PAQR8: variants seen among roughly 807,000 people sequenced by gnomAD.
The protein encoded by PAQR8 is membrane progestin receptor beta.
A neutral mutation model predicts 25.2 loss-of-function variants in PAQR8; 17 were observed. The ratio of observed to expected loss-of-function variants is 0.67; its 90% CI spans 0.46 to 1.01. PAQR8 has a LOEUF of 1.01. Ranked by LOEUF, PAQR8 falls within the 50% of genes least tolerant of loss-of-function variation. PAQR8 has a pLI of 0.00. For synonymous variants in PAQR8, 204 were observed against 190.6 expected, an observed-to-expected ratio of 1.07 and a Z score of -0.58; for missense variants, 392 against 448.4, an observed-to-expected ratio of 0.87 and a Z score of 1.14.
At chr6:52,364,861 G>T (rs915709496) in intron 1 of PAQR8, among the ~76,000 whole-genome samples, 105 of 152,148 alleles carry the variant, frequency 6.9e-4, no homozygotes, top group Non-Finnish European at 1.0e-4. Context: ...GGGGTTAGGG[G>T]CTCCCATCAT....
At chr6:52,403,126 A>T in intron 1 of PAQR8, 36 bp from the exon 2 acceptor site, 2 of 1,119,170 alleles carry the variant, frequency 1.8e-6, no homozygotes, top group Non-Finnish European at 2.5e-6. Flanking sequence ...TTCGTGTCTC[A>T]CTGCGGCTTT....
rs894228208 is a variant in PAQR8 at position 52,364,084 on chromosome 6, T to G, written c.-53+1835T>G. Among the ~76,000 whole-genome samples, 11 of 26,146 alleles carry G rather than the reference T, an allele frequency of 4.2e-4. No homozygotes were observed. The South Asian group carries it at 9.5e-3, about 23-fold the overall frequency. 17.2% of individuals were successfully genotyped at this position (26,146 alleles called of 152,430 possible). ...GTGGATATATCCATTGAAAGATATG[T>G]TTTTTTTTTTTTTTTTTTTGCGGGT... On this transcript the variant is annotated intron_variant, in intron 1 of 1. Transcript: ENST00000442253.
intron 1 of PAQR8, among the ~76,000 whole-genome samples, chr6:52,366,808 G>C (rs1763358609): frequency 6.6e-6 from 1 of 151,952 alleles, no homozygotes; most frequent in South Asian, 2.1e-4. Flanking sequence ...GGAGTGCAAT[G>C]GCGCAATCTC....
intron 1 of PAQR8, among the ~76,000 whole-genome samples, chr6:52,378,655 G>C (rs1171469831): frequency 6.6e-6 from 1 of 152,110 alleles, no homozygotes; most frequent in African/African-American, 2.4e-5. Context: ...GCTGGGCGTG[G>C]TGGTGTATGC....
chr6:52,381,716 A>G (rs1041664885), intron 1 of PAQR8, among the ~76,000 whole-genome samples: 1 of 152,254 alleles, frequency 6.6e-6, no homozygotes, highest in African/African-American at 2.4e-5. Flanking sequence ...CAATTCTTAT[A>G]AAATTACTGG....
At chr6:52,364,246 G>A (rs1412694864) in intron 1 of PAQR8, among the ~76,000 whole-genome samples, 2 of 152,006 alleles carry the variant, frequency 1.3e-5, no homozygotes, top group Non-Finnish European at 2.9e-5. Flanking sequence ...TCATGAAAAG[G>A]AAATCTTTAA....
At chr6:52,388,065 TA>T (rs1259985274) in intron 1 of PAQR8, among the ~76,000 whole-genome samples, 1 of 152,222 alleles carries the variant, frequency 6.6e-6, no homozygotes, top group East Asian at 1.9e-4. Context: ...TATTTCCTTA[TA>T]TATTATAATG....
intron 1 of PAQR8, among the ~76,000 whole-genome samples, chr6:52,394,953 G>A (rs936799323): frequency 1.7e-4 from 26 of 151,792 alleles, no homozygotes; most frequent in Non-Finnish European, 3.2e-4. Context: ...TTTGAAAGGC[G>A]CTTCTAAGAT....
intron 1 of PAQR8, among the ~76,000 whole-genome samples, chr6:52,384,952 G>A (rs1464627153): frequency 1.3e-5 from 2 of 152,190 alleles, no homozygotes; most frequent in African/African-American, 4.8e-5. Context: ...GGGAAAACTG[G>A]CCAACCATAT....
intron 1 of PAQR8, among the ~76,000 whole-genome samples, chr6:52,364,093 T>TTTTTTTTTTTTTTG (rs1763324842): frequency 6.9e-6 from 1 of 144,976 alleles, no homozygotes; most frequent in Non-Finnish European, 1.5e-5. Flanking sequence ...GTTTTTTTTT[T>TTTTTTTTTTTTTTG]TTTTTTTTTT....
chr6:52,404,380 CA>C lies in PAQR8; in HGVS notation c.*103del. On this transcript the variant is annotated 3_prime_UTR_variant, in exon 2 of 2. Transcript: ENST00000442253. ...TAAGGCATTGGCTTTTAAATTAATA[CA>C]TATATCCAAGGATATGTTATAGCTG... 2.7e-6 allele frequency: 3 copies of C among 1,097,084 alleles called. No individual in the cohort carries two copies. Among genetic ancestry groups the C allele is most frequent in the Non-Finnish European group, 3.9e-6 (3 of 776,970 alleles). 68.0% of individuals were successfully genotyped at this position (1,097,084 alleles called of 1,614,324 possible).
Position 52,406,294 on chromosome 6 carries a change from G to A in PAQR8, c.*2016G>A. On this transcript the variant is annotated 3_prime_UTR_variant, in exon 2 of 2. Transcript: ENST00000442253. Reference sequence around the variant, plus strand: ...TATTTTGAAAGTTGGAAGGAGAAGGGAGGGAAGAGAGCAGAAGGGAAGAAG... The same window carrying A: ...TATTTTGAAAGTTGGAAGGAGAAGGAAGGGAAGAGAGCAGAAGGGAAGAAG... 2.5e-6 allele frequency: 1 copy of A among 407,984 alleles called. No individual in the cohort carries two copies. Among genetic ancestry groups the A allele is most frequent in the Non-Finnish European group, 4.5e-6 (1 of 223,140 alleles). The allele number at this position is 407,984 out of a possible 1,614,324, so 25.3% of individuals were successfully genotyped here.
intron 1 of PAQR8, among the ~76,000 whole-genome samples, chr6:52,374,334 C>A (rs953234683): frequency 4.6e-5 from 7 of 152,174 alleles, no homozygotes; most frequent in Non-Finnish European, 7.4e-5. Flanking sequence ...TTAATAGTTT[C>A]CTTTGTCATT....
intron 1 of PAQR8, among the ~76,000 whole-genome samples, chr6:52,397,708 T>C (rs1315072743): frequency 6.6e-6 from 1 of 152,246 alleles, no homozygotes; most frequent in Non-Finnish European, 1.5e-5. Flanking sequence ...AAATTTCAGC[T>C]GTCCAGGAGC....
intron 1 of PAQR8, among the ~76,000 whole-genome samples, chr6:52,399,820 A>G (rs1271626168): frequency 6.6e-6 from 1 of 152,146 alleles, no homozygotes; most frequent in Non-Finnish European, 1.5e-5. Flanking sequence ...CAGAACTCCA[A>G]CAAGCCCAGC....
At chr6:52,369,292 T>C (rs946626031) in intron 1 of PAQR8, among the ~76,000 whole-genome samples, 2 of 152,182 alleles carry the variant, frequency 1.3e-5, no homozygotes, top group Admixed American at 1.3e-4. Context: ...GCTGTAAGAA[T>C]TTGAGAAAGA....
chr6:52,406,356 G>A lies in PAQR8; in HGVS notation c.*2078G>A. ...GCTCTTGAATATAACTGGTGGTATTGTGGGCAGAGATCTTTAGTTCAAATC... is the reference window on the plus strand; with the variant it reads ...GCTCTTGAATATAACTGGTGGTATTATGGGCAGAGATCTTTAGTTCAAATC... On this transcript the variant is annotated 3_prime_UTR_variant, in exon 2 of 2. Transcript: ENST00000442253. 2.4e-6 allele frequency: 1 copy of A among 411,560 alleles called. No homozygotes were observed. The highest frequency in any genetic ancestry group is 2.1e-5 in the African/African-American group (1 of 48,692). The allele number at this position is 411,560 out of a possible 1,614,324, so 25.5% of individuals were successfully genotyped here.
In PAQR8 at chr6:52,383,593, G is replaced by A. The variant is rs867211759; in HGVS notation, c.-52-19569G>A. On this transcript the variant is annotated intron_variant, in intron 1 of 1. Transcript: ENST00000442253. ...GGAGAATGGCGTGAATCCGGGAGGC[G>A]GAGCTTGCAGTGAGCCGAGATCCCG... 1.6e-4 allele frequency among the ~76,000 whole-genome samples: 24 copies of A among 149,452 alleles called. 1 individual carries two copies. Among genetic ancestry groups the A allele is most frequent in the African/African-American group, 5.4e-4 (22 of 40,490 alleles).
intron 1 of PAQR8, among the ~76,000 whole-genome samples, chr6:52,383,948 A>G (rs1310512462): frequency 1.3e-5 from 2 of 152,206 alleles, no homozygotes; most frequent in Non-Finnish European, 2.9e-5. Context: ...AGATTGGATG[A>G]TCCAAAATCA....
Sources: gnomAD v4.1 joint callset for allele counts (sites outside exome capture counted in the v4.1 genomes callset) on GRCh38, gnomAD v4.1.1 for gene constraint, MANE v1.5 for transcripts, NCBI Gene and HGNC (gene_info 2026-07-23, HGNC 2026-07-21) for gene names.